DPH6: variants seen among roughly 807,000 people sequenced by gnomAD.
DPH6 encodes the protein diphthamine biosynthesis 6.
DPH6 carries 33 observed loss-of-function variants against 38.2 expected under a neutral mutation model. The observed-to-expected ratio is 0.86, with a 90% CI of 0.65 to 1.15. DPH6 has a LOEUF of 1.15. Ranked by LOEUF, DPH6 falls within the 50% of genes most tolerant of loss-of-function variation. DPH6 has a pLI of 0.00. For synonymous variants in DPH6, 108 were observed against 103.0 expected, an observed-to-expected ratio of 1.05 and a Z score of -0.30; for missense variants, 325 against 320.0, an observed-to-expected ratio of 1.02 and a Z score of -0.12.
intron 1 of DPH6, among the ~76,000 whole-genome samples, chr15:35,545,102 C>G (rs571592206): frequency 5.3e-5 from 8 of 152,212 alleles, no homozygotes; most frequent in Admixed American, 5.2e-4. Flanking sequence ...TCAAAACTTA[C>G]AGCCAGTATC....
At chr15:35,341,264 C>G (rs2052419506) in intron 3 of DPH6, among the ~76,000 whole-genome samples, 1 of 152,138 alleles carries the variant, frequency 6.6e-6, no homozygotes, top group Admixed American at 6.6e-5. Context: ...TTCTGGCTAT[C>G]AGCTCCTGTA....
rs148471936 is a variant in DPH6, at chr15:35,391,636, C to T, written c.568-9720G>A. Among the ~76,000 whole-genome samples the T allele has an allele frequency of 1.7e-3, 264 of 152,312 alleles. 2 individuals carry two copies. The highest frequency in any genetic ancestry group is 6.0e-3 in the African/African-American group (248 of 41,570). On this transcript the variant is annotated intron_variant, in intron 6 of 8. Transcript: ENST00000256538. ...GAGGCTCCGTGGGCGTAGGACCCTC[C>T]GAACCAGGTGTGGGATATAATCTCC...
chr15:35,259,665 C>G (rs1383827154), intron 3 of DPH6, among the ~76,000 whole-genome samples: 2 of 152,188 alleles, frequency 1.3e-5, no homozygotes. Flanking sequence ...TGGAAGTAAG[C>G]TCCTCCCCAC....
At chr15:35,403,779 C>A (rs532519328) in intron 6 of DPH6, among the ~76,000 whole-genome samples, 1 of 151,534 alleles carries the variant, frequency 6.6e-6, no homozygotes, top group Admixed American at 6.6e-5. Context: ...AAAGTGCTGA[C>A]ATTAAAGGCA....
At chr15:35,352,525 G>A (rs1048267079) in intron 3 of DPH6, among the ~76,000 whole-genome samples, 11 of 152,106 alleles carry the variant, frequency 7.2e-5, no homozygotes, top group African/African-American at 2.7e-4. Flanking sequence ...GTGAGAACAT[G>A]TGATATTTGG....
intron 5 of DPH6, among the ~76,000 whole-genome samples, chr15:35,435,675 G>A (rs1478260583): frequency 6.6e-6 from 1 of 152,102 alleles, no homozygotes; most frequent in Non-Finnish European, 1.5e-5. Context: ...CCATGTGTCT[G>A]TATGCCTAAT....
Position 35,224,942 on chromosome 15 carries a change from C to T in DPH6, n.201-4360G>A, listed in dbSNP as rs148535233. Among the ~76,000 whole-genome samples, 4 of 152,312 alleles carry T rather than the reference C, an allele frequency of 2.6e-5. No individual in the cohort carries two copies. The South Asian group carries it at 6.2e-4, about 24-fold the overall frequency. On this transcript the variant is annotated intron_variant and non_coding_transcript_variant, in intron 3 of 3. Transcript: ENST00000560386. ...ATACTTGTCAAGACTAAGATACCAA[C>T]GTTGATACACTGTCAGTCACTAAAC... is the stretch of plus-strand genomic sequence containing the variant.
chr15:35,351,966 C>T (rs562689567), intron 3 of DPH6, among the ~76,000 whole-genome samples: 2 of 152,242 alleles, frequency 1.3e-5, no homozygotes, highest in South Asian at 4.1e-4. Context: ...GCAGTCCTCC[C>T]ATCTCGGCCT....
chr15:35,234,345 C>T (rs1418297256), intron 3 of DPH6, among the ~76,000 whole-genome samples: 1 of 152,120 alleles, frequency 6.6e-6, no homozygotes, highest in Non-Finnish European at 1.5e-5. Flanking sequence ...GGTGGTATAT[C>T]CCATGCTTCA....
At chr15:35,495,992 C>T (rs530310703) in intron 3 of DPH6, among the ~76,000 whole-genome samples, 89 of 152,100 alleles carry the variant, frequency 5.9e-4, no homozygotes, top group Admixed American at 1.4e-3. Flanking sequence ...ATGGATATCC[C>T]TATGGGGAAA....
the DPH6 span, among the ~76,000 whole-genome samples, chr15:35,145,758 A>G: frequency 7.9e-4 from 120 of 152,300 alleles, no homozygotes; most frequent in African/African-American, 2.6e-3. Context: ...CCAGCCATCA[A>G]AGAATTATTT....
intron 1 of DPH6, among the ~76,000 whole-genome samples, chr15:35,543,258 TAATATATATATATATATATATATA>T (rs370409693): frequency 0.028 from 2,560 of 92,616 alleles, 150 homozygotes; most frequent in African/African-American, 0.11. Flanking sequence ...CACATACACA[TAATATATATATATATATATATATA>T]TATATATATA....
intron 3 of DPH6, 38 bp from the exon 4 acceptor site, chr15:35,454,858 A>T: frequency 6.8e-7 from 1 of 1,475,558 alleles, no homozygotes; most frequent in Non-Finnish European, 9.3e-7. Context: ...TTAAAAATAA[A>T]GTAACAAATG....
chr15:35,521,938 TTTGAAGGTTTG>T, intron 3 of DPH6: 1 of 1,420,290 alleles, frequency 7.0e-7, no homozygotes. Flanking sequence ...AAAGTTCATT[TTTGAAGGTTTG>T]CCAAATCTTG....
At chr15:35,197,359 A>T in the DPH6 span, among the ~76,000 whole-genome samples, 1 of 152,196 alleles carries the variant, frequency 6.6e-6, no homozygotes, top group Non-Finnish European at 1.5e-5. Flanking sequence ...TTGATTTACT[A>T]GTTTTGCTTA....
chr15:35,523,767 G>T (rs1470148035), intron 3 of DPH6, among the ~76,000 whole-genome samples: 1 of 152,030 alleles, frequency 6.6e-6, no homozygotes, highest in Non-Finnish European at 1.5e-5. Flanking sequence ...AGTTCCTCAT[G>T]CTATTATCTT....
intron 3 of DPH6, among the ~76,000 whole-genome samples, chr15:35,496,085 T>C (rs1053853284): frequency 3.3e-5 from 5 of 152,144 alleles, no homozygotes; most frequent in African/African-American, 1.2e-4. Context: ...CAATAGCTTC[T>C]AAAAGATAGT....
At chr15:35,401,265 T>C in intron 6 of DPH6, 3 of 953,608 alleles carry the variant, frequency 3.1e-6, no homozygotes, top group Non-Finnish European at 5.1e-6. Flanking sequence ...TTGGTGGTGG[T>C]TGTGGAGACA....
At chr15:35,403,195 C>T (rs540221502) in intron 6 of DPH6, among the ~76,000 whole-genome samples, 50 of 152,182 alleles carry the variant, frequency 3.3e-4, no homozygotes, top group African/African-American at 1.2e-3. Flanking sequence ...GGATCATGTA[C>T]ACCATGGGGC....
Sources: gnomAD v4.1 joint callset for allele counts (sites outside exome capture counted in the v4.1 genomes callset) on GRCh38, gnomAD v4.1.1 for gene constraint, MANE v1.5 for transcripts, NCBI Gene and HGNC (gene_info 2026-07-23, HGNC 2026-07-21) for gene names.